The following NPTN variants were observed in gnomAD, a reference collection of about 807,000 sequenced individuals.
NPTN encodes the protein neuroplastin.
A neutral mutation model predicts 42.7 loss-of-function variants in NPTN; 5 were observed. The ratio of observed to expected loss-of-function variants is 0.12; its 90% confidence interval spans 0.06 to 0.25. The LOEUF (loss-of-function observed/expected upper bound fraction) is 0.25, where lower values mean the gene tolerates loss of function less well. Ranked by LOEUF, NPTN falls within the 10% of genes least tolerant of loss-of-function variation. The probability of loss-of-function intolerance (pLI) is 1.00; values close to 1 mark genes in which losing one functional copy is unlikely to be tolerated. For synonymous variants in NPTN, 180 were observed against 201.9 expected, an observed-to-expected ratio of 0.89 and a Z score of 0.92; for missense variants, 307 against 525.4, an observed-to-expected ratio of 0.58 and a Z score of 4.06.
rs1225294922 is a variant in NPTN, at chr15:73,582,597, A to AG, written c.706+4926_706+4927insC. ...ACCCTCAACCCTGGCTGTACACCATAATCACCTGATGTGCCTTAATCTGAT... is the reference window on the plus strand; with the variant it reads ...ACCCTCAACCCTGGCTGTACACCATAGATCACCTGATGTGCCTTAATCTGAT... On this transcript the variant is annotated intron_variant, in intron 4 of 8. Transcript: ENST00000345330. Among the ~76,000 whole-genome samples the AG allele has an allele frequency of 7.9e-4, 120 of 152,246 alleles. 1 individual carries two copies. The East Asian group carries it at 0.018, about 22-fold the overall frequency.
At chr15:73,607,933 GC>G (rs1321913857) in intron 1 of NPTN, among the ~76,000 whole-genome samples, 1 of 152,134 alleles carries the variant, frequency 6.6e-6, no homozygotes, top group African/African-American at 2.4e-5. Context: ...CTGAAACTGT[GC>G]AAATATTGTG....
chr15:73,626,197 C>A (rs181980661), intron 1 of NPTN, among the ~76,000 whole-genome samples: 10 of 152,342 alleles, frequency 6.6e-5, no homozygotes, highest in Non-Finnish European at 2.9e-5. Context: ...ACAGAAAGAT[C>A]ATAAAATACC....
In NPTN at chr15:73,627,863, C is replaced by G. The variant is rs1402912370; in HGVS notation, c.91+5262G>C. Reference sequence around the variant, plus strand: ...ATATCACTAGAATAATGTTTTTACACAAGATCACTTTTAAATTCAGTAAGA... The same window carrying G: ...ATATCACTAGAATAATGTTTTTACAGAAGATCACTTTTAAATTCAGTAAGA... On this transcript the variant is annotated intron_variant, in intron 1 of 8. Coordinates refer to ENST00000345330, the MANE Select transcript of NPTN (RefSeq NM_012428.4). 2.0e-5 allele frequency among the ~76,000 whole-genome samples: 3 copies of G among 152,098 alleles called. No individual in the cohort carries two copies. In the East Asian group the frequency reaches 5.8e-4, roughly 29 times the overall value.
Position 73,560,102 on chromosome 15 carries a change from G to A in NPTN, c.*961C>T. 2.0e-6 allele frequency: 1 copy of A among 507,636 alleles called. No homozygotes were observed. Among genetic ancestry groups the A allele is most frequent in the Non-Finnish European group, 3.4e-6 (1 of 297,450 alleles). 31.4% of individuals were successfully genotyped at this position (507,636 alleles called of 1,614,324 possible). A position where few individuals can be genotyped will look rare whatever the true frequency, so the allele number is the denominator to read the frequency against. ...TTCAATAATTACACAAAACACACAAGTACATGCATCTACAATTACGCACCG... is the reference window on the plus strand; with the variant it reads ...TTCAATAATTACACAAAACACACAAATACATGCATCTACAATTACGCACCG... On this transcript the variant is annotated 3_prime_UTR_variant, in exon 9 of 9. Coordinates refer to ENST00000345330, the MANE Select transcript of NPTN (RefSeq NM_012428.4).
chr15:73,573,881 T>C lies in NPTN; in HGVS notation c.707-86A>G. 2.0e-6 allele frequency: 3 copies of C among 1,508,850 alleles called. No homozygotes were observed. The South Asian group carries it at 3.7e-5, about 19-fold the overall frequency. The allele number at this position is 1,508,850 out of a possible 1,614,324, so 93.5% of individuals were successfully genotyped here. On this transcript the variant is annotated intron_variant, in intron 4 of 8. Coordinates refer to ENST00000345330, the MANE Select transcript of NPTN (RefSeq NM_012428.4). ...CCCACCTTCTGGCTCAGAGCCCTGCTTGTAATGTAGTCAGTCTTTATGCTT... is the reference window on the plus strand; with the variant it reads ...CCCACCTTCTGGCTCAGAGCCCTGCCTGTAATGTAGTCAGTCTTTATGCTT...
At chr15:73,621,854 G>T (rs1682988624) in intron 1 of NPTN, among the ~76,000 whole-genome samples, 1 of 151,912 alleles carries the variant, frequency 6.6e-6, no homozygotes, top group Admixed American at 6.6e-5. Flanking sequence ...ATTCTCCCTG[G>T]AACCTATTCC....
At chr15:73,577,964 CA>C (rs1414266991) in intron 4 of NPTN, among the ~76,000 whole-genome samples, 1 of 151,640 alleles carries the variant, frequency 6.6e-6, no homozygotes, top group Non-Finnish European at 1.5e-5. Flanking sequence ...GGTCTCCCAG[CA>C]AAAAAGAAAA....
intron 1 of NPTN, among the ~76,000 whole-genome samples, chr15:73,630,396 C>T (rs1377461789): frequency 6.6e-6 from 1 of 152,176 alleles, no homozygotes; most frequent in African/African-American, 2.4e-5. Flanking sequence ...CTTTTTAGAA[C>T]AAGTTCCTCT....
At chr15:73,630,209 A>ACGATGAAC (rs764446727) in intron 1 of NPTN, among the ~76,000 whole-genome samples, 12 of 152,214 alleles carry the variant, frequency 7.9e-5, no homozygotes, top group Non-Finnish European at 1.5e-4. Context: ...CACTTTACAG[A>ACGATGAAC]TGATGAACTG....
intron 3 of NPTN, 39 bp from the exon 4 acceptor site, chr15:73,587,657 G>C (rs1157457147): frequency 7.0e-7 from 1 of 1,418,526 alleles, no homozygotes; most frequent in Middle Eastern, 1.8e-4. Flanking sequence ...AGGAAACTGG[G>C]AACGGTCAAA....
chr15:73,561,820 G>A, intron 8 of NPTN, 76 bp downstream of exon 8: 1 of 1,088,416 alleles, frequency 9.2e-7, no homozygotes, highest in Non-Finnish European at 1.4e-6. Flanking sequence ...AATTACTGAA[G>A]AATTTGTAAC....
intron 3 of NPTN, among the ~76,000 whole-genome samples, chr15:73,589,716 G>A (rs1896494303): frequency 6.6e-6 from 1 of 152,020 alleles, no homozygotes; most frequent in Non-Finnish European, 1.5e-5. Context: ...TTCCAAAAAG[G>A]AAACACAGGT....
intron 4 of NPTN, among the ~76,000 whole-genome samples, chr15:73,576,796 A>C (rs1225802552): frequency 6.6e-6 from 1 of 152,212 alleles, no homozygotes; most frequent in Non-Finnish European, 1.5e-5. Flanking sequence ...TGTCAAAGCC[A>C]ATTTAAAAAG....
intron 6 of NPTN, among the ~76,000 whole-genome samples, chr15:73,563,872 T>G (rs1489781512): frequency 1.3e-5 from 2 of 152,164 alleles, no homozygotes; most frequent in Non-Finnish European, 2.9e-5. Flanking sequence ...AACAAGTGTA[T>G]GTATACCAGA....
chr15:73,586,352 G>T (rs1451950516), intron 4 of NPTN, among the ~76,000 whole-genome samples: 1 of 152,100 alleles, frequency 6.6e-6, no homozygotes, highest in Non-Finnish European at 1.5e-5. Flanking sequence ...AGAAACCAAG[G>T]TTTCTCCAAG....
chr15:73,563,594 T>C (rs2141347489), intron 6 of NPTN: 1 of 1,098,406 alleles, frequency 9.1e-7, no homozygotes, highest in Admixed American at 5.0e-5. Context: ...CTTAAATAGA[T>C]GAGAAGACAA....
intron 1 of NPTN, among the ~76,000 whole-genome samples, chr15:73,622,114 A>G (rs548731149): frequency 6.6e-6 from 1 of 152,132 alleles, no homozygotes; most frequent in East Asian, 1.9e-4. Flanking sequence ...TCGCGCCACT[A>G]CACTCCAGCC....
At chr15:73,632,972 C>T (rs534587141) in intron 1 of NPTN, among the ~76,000 whole-genome samples, 153 bp downstream of exon 1, 2 of 152,306 alleles carry the variant, frequency 1.3e-5, no homozygotes, top group East Asian at 3.9e-4. Context: ...TCCTCAAACC[C>T]GCAGCCGGTA....
At chr15:73,572,933 G>C (rs896433977) in intron 5 of NPTN, among the ~76,000 whole-genome samples, 1 of 152,088 alleles carries the variant, frequency 6.6e-6, no homozygotes, top group Non-Finnish European at 1.5e-5. Flanking sequence ...TCTCCTGACA[G>C]TGAATTCTCA....
Sources: allele counts gnomAD v4.1 joint callset (sites outside exome capture counted in the v4.1 genomes callset), GRCh38; gene constraint gnomAD v4.1.1; transcripts MANE v1.5; gene names NCBI Gene and HGNC (gene_info 2026-07-23, HGNC 2026-07-21).